The following CACHD1 variants were observed in gnomAD, a reference collection of about 807,000 sequenced individuals.
CACHD1 encodes cache domain containing 1.
A neutral mutation model predicts 138.7 loss-of-function variants in CACHD1; 71 were observed. The ratio of observed to expected loss-of-function variants is 0.51; its 90% confidence interval spans 0.42 to 0.62. The LOEUF is 0.62. Among genes scored for constraint, CACHD1 ranks in the 20% least tolerant of loss-of-function variants. CACHD1 has a pLI of 0.00. For missense variants in CACHD1, 1,389 were observed against 1,625.3 expected, an observed-to-expected ratio of 0.85 and a Z score of 2.50; for synonymous variants, 578 against 591.5, an observed-to-expected ratio of 0.98 and a Z score of 0.33.
In CACHD1 at chr1:64,470,972, C is replaced by T; in HGVS notation, c.198+30C>T. 1 of 1,555,786 alleles carries T rather than the reference C, an allele frequency of 6.4e-7. No individual in the cohort carries two copies. The highest frequency in any genetic ancestry group is 1.4e-5 in the African/African-American group (1 of 73,200). On this transcript the variant is annotated intron_variant, in intron 1 of 26. Coordinates refer to ENST00000651257, the MANE Select transcript of CACHD1 (RefSeq NM_020925.4). The surrounding 1 kb of genome is among the most constrained non-coding windows in gnomAD (Gnocchi z 5.2). ...GTGGCCCCCGAGCTGGCCAGACATC[C>T]CGCCTTTCTCCTTTGCTCAAACTCC...
intron 1 of CACHD1, among the ~76,000 whole-genome samples, chr1:64,511,962 T>C (rs1418143722): frequency 7.9e-5 from 12 of 152,224 alleles, no homozygotes; most frequent in Admixed American, 7.9e-4. Flanking sequence ...GTCACTGGCA[T>C]GTATAGTAAG....
At chr1:64,492,279 G>C (rs1646280728) in intron 1 of CACHD1, among the ~76,000 whole-genome samples, 1 of 148,898 alleles carries the variant, frequency 6.7e-6, no homozygotes, top group Non-Finnish European at 1.5e-5. Flanking sequence ...TTAGCAAAAG[G>C]CTAGTGGAAT....
chr1:64,662,691 C>T (rs933987490), intron 13 of CACHD1, among the ~76,000 whole-genome samples: 9 of 152,102 alleles, frequency 5.9e-5, no homozygotes, highest in Non-Finnish European at 1.0e-4. Flanking sequence ...ATCTCAAAGA[C>T]GAAGATTTAG....
chr1:64,572,700 T>C (rs1646935518), intron 2 of CACHD1, among the ~76,000 whole-genome samples: 1 of 152,192 alleles, frequency 6.6e-6, no homozygotes, highest in Non-Finnish European at 1.5e-5. Context: ...TTTTTTCCAT[T>C]GTACTCCTCC....
intron 12 of CACHD1, 77 bp from the exon 13 acceptor site, chr1:64,658,628 A>G: frequency 1.8e-6 from 2 of 1,090,828 alleles, no homozygotes; most frequent in Non-Finnish European, 2.6e-6. Context: ...GAGGCAGTAG[A>G]AAATAATGTA....
chr1:64,626,800 A>C (rs891152021), intron 4 of CACHD1, among the ~76,000 whole-genome samples: 5 of 152,204 alleles, frequency 3.3e-5, no homozygotes, highest in Non-Finnish European at 7.3e-5. Flanking sequence ...CAACAGGTAG[A>C]TCTTTGCTAT....
chr1:64,648,401 G>A (rs1353905666), intron 9 of CACHD1, among the ~76,000 whole-genome samples: 3 of 152,162 alleles, frequency 2.0e-5, no homozygotes, highest in Middle Eastern at 3.2e-3. Context: ...CCTCAGGTGG[G>A]CTTTCAAATT....
intron 1 of CACHD1, among the ~76,000 whole-genome samples, chr1:64,487,627 C>CT (rs1008256083): frequency 3.3e-5 from 5 of 151,400 alleles, no homozygotes; most frequent in East Asian, 1.9e-4. Flanking sequence ...GCTGGACCTC[C>CT]TTTTTTAAAA....
chr1:64,621,486 T>A lies in CACHD1; in HGVS notation c.518-7869T>A, dbSNP rs147644467. On this transcript the variant is annotated intron_variant, in intron 4 of 26. Coordinates refer to ENST00000651257, the MANE Select transcript of CACHD1 (RefSeq NM_020925.4). ...CTTCCCCATGGAGCTTAAGGCTTCC[T>A]ATGTAAGAGATACTAAACACATAGC... Among the ~76,000 whole-genome samples, 1,080 of 152,312 alleles carry A rather than the reference T, an allele frequency of 7.1e-3. 6 individuals carry two copies. Among genetic ancestry groups the A allele is most frequent in the South Asian group, 0.011 (55 of 4,832 alleles).
At position 64,636,523 on chromosome 1, in the gene CACHD1, G is replaced by A. The variant is rs548596412; in HGVS notation, c.1006+2263G>A. Among the ~76,000 whole-genome samples the A allele has an allele frequency of 1.3e-4, 20 of 152,262 alleles. 1 individual carries two copies. The highest frequency in any genetic ancestry group is 3.6e-4 in the African/African-American group (15 of 41,550). ...AGTCCTAAGGTTCATGCTAAGGTTT[G>A]TTCATGCTAAGGTTCATTCATGCTA... On this transcript the variant is annotated intron_variant, in intron 7 of 26. Transcript: ENST00000651257.
intron 3 of CACHD1, 29 bp from the exon 4 acceptor site, chr1:64,602,777 G>A (rs1283039315): frequency 6.8e-7 from 1 of 1,478,744 alleles, no homozygotes; most frequent in Non-Finnish European, 9.5e-7. Flanking sequence ...GCCTGAATAA[G>A]TATTGCTAAT....
rs777747492 is a variant in CACHD1 at position 64,632,755 on chromosome 1, C to G, written c.789+12C>G. 6.2e-7 allele frequency: 1 copy of G among 1,613,842 alleles called. No homozygotes were observed. Among genetic ancestry groups the G allele is most frequent in the African/African-American group, 1.3e-5 (1 of 74,920 alleles). ...ATGAACATGACAAGGTGACCATGAC[C>G]CTTGTGACCCCTATGGCATCAGGTT... On this transcript the variant is annotated intron_variant, in intron 6 of 26. Coordinates refer to ENST00000651257, the MANE Select transcript of CACHD1 (RefSeq NM_020925.4).
intron 2 of CACHD1, among the ~76,000 whole-genome samples, chr1:64,566,479 TCC>T (rs34760107): frequency 0.22 from 27,107 of 120,736 alleles, 4,833 homozygotes; most frequent in Middle Eastern, 0.33. Context: ...TGTTTTCAAT[TCC>T]CCCCCCCCCA....
intron 1 of CACHD1, among the ~76,000 whole-genome samples, chr1:64,500,506 G>A (rs923701624): frequency 3.3e-5 from 5 of 152,026 alleles, no homozygotes; most frequent in African/African-American, 1.2e-4. Context: ...ATGAAACCCA[G>A]AATAGAACTT....
At chr1:64,519,531 G>A (rs987297970) in intron 1 of CACHD1, among the ~76,000 whole-genome samples, 2 of 152,094 alleles carry the variant, frequency 1.3e-5, no homozygotes, top group African/African-American at 2.4e-5. Context: ...AAACTATCTG[G>A]TAAGTCTGAA....
At chr1:64,654,900 A>T in intron 12 of CACHD1, 97 bp downstream of exon 12, 1 of 836,610 alleles carries the variant, frequency 1.2e-6, no homozygotes, top group Non-Finnish European at 2.0e-6. Context: ...CTTGGGTCTG[A>T]TAATTTGTCT....
intron 4 of CACHD1, among the ~76,000 whole-genome samples, chr1:64,612,032 G>T (rs1029706572): frequency 7.9e-5 from 12 of 152,142 alleles, no homozygotes; most frequent in Non-Finnish European, 1.3e-4. Flanking sequence ...GGATTGGGGT[G>T]GGGGAACTGC....
In CACHD1 at chr1:64,555,417, TTTTG is replaced by T. The variant is rs551770084; in HGVS notation, c.261+4777_261+4780del. 5.5e-3 allele frequency among the ~76,000 whole-genome samples: 837 copies of T among 152,232 alleles called. 5 individuals are homozygous for T. Among genetic ancestry groups the T allele is most frequent in the Non-Finnish European group, 9.8e-3 (667 of 67,982 alleles). ...TCTGCCTCTCTCACTTAAGACTTCT[TTTTG>T]TTTGTTTGTTTGTTTTGAGATGGAG... On this transcript the variant is annotated intron_variant, in intron 2 of 26. Transcript: ENST00000651257.
rs146059380 is a variant in CACHD1, at chr1:64,473,557, C to T, written c.198+2615C>T. 1.5e-4 allele frequency among the ~76,000 whole-genome samples: 23 copies of T among 150,524 alleles called. No homozygotes were observed. In the East Asian group the frequency reaches 2.6e-3, roughly 17 times the overall value. ...ATAGGCTTTAAGGTGTGACTTCCTACGAAGATGGTCAGGGTGGGGGTGGAG... is the reference window on the plus strand; with the variant it reads ...ATAGGCTTTAAGGTGTGACTTCCTATGAAGATGGTCAGGGTGGGGGTGGAG... On this transcript the variant is annotated intron_variant, in intron 1 of 26. Transcript: ENST00000651257.
Sources: gnomAD v4.1 joint callset for allele counts (sites outside exome capture counted in the v4.1 genomes callset) on GRCh38, gnomAD v4.1.1 for gene constraint, Gnocchi (gnomAD v3.1) non-coding constraint, MANE v1.5 for transcripts, NCBI Gene and HGNC (gene_info 2026-07-23, HGNC 2026-07-21) for gene names.